Variants in LRRTM4 observed in about 807,000 individuals in gnomAD.
The protein encoded by LRRTM4 is leucine rich repeat transmembrane neuronal 4, also known as leucine-rich repeat transmembrane neuronal protein 4.
In LRRTM4, 25 loss-of-function variants were observed where a neutral mutation model predicts 47.6. The ratio of observed to expected loss-of-function variants is 0.53; its 90% confidence interval spans 0.38 to 0.73. LRRTM4 has a LOEUF of 0.73. Among genes scored for constraint, LRRTM4 ranks in the 30% least tolerant of loss-of-function variants. The pLI is 0.00. For missense variants in LRRTM4, 638 were observed against 713.4 expected (o/e 0.89, Z 1.20); for synonymous variants, 311 against 269.5 (o/e 1.15, Z -1.51).
At chr2:77,249,676 G>A (rs997913201) in intron 3 of LRRTM4, among the ~76,000 whole-genome samples, 3 of 152,164 alleles carry the variant, frequency 2.0e-5, no homozygotes, top group Non-Finnish European at 1.5e-5. Flanking sequence ...CCAAATGCTG[G>A]CAGGAATGTG....
At chr2:77,211,405 G>T (rs887848061) in intron 3 of LRRTM4, among the ~76,000 whole-genome samples, 2 of 152,144 alleles carry the variant, frequency 1.3e-5, no homozygotes, top group African/African-American at 4.8e-5. Context: ...TTACATTAGA[G>T]AAAACTAATA....
intron 3 of LRRTM4, among the ~76,000 whole-genome samples, chr2:77,207,243 G>A (rs1364141224): frequency 5.4e-5 from 7 of 129,900 alleles, no homozygotes; most frequent in African/African-American, 1.9e-4. Context: ...ATATATATAC[G>A]TATTTATACA....
At chr2:77,447,279 T>TTG (rs377674991) in intron 3 of LRRTM4, among the ~76,000 whole-genome samples, 20 of 147,474 alleles carry the variant, frequency 1.4e-4, no homozygotes, top group African/African-American at 4.0e-4. Context: ...CTATGTGTGT[T>TTG]TGTGTGTGTG....
intron 3 of LRRTM4, among the ~76,000 whole-genome samples, chr2:76,778,755 T>C (rs1441455936): frequency 6.6e-6 from 1 of 151,062 alleles, no homozygotes; most frequent in African/African-American, 2.4e-5. Flanking sequence ...TGTGTCTCTA[T>C]TTCCTTCAGT....
At chr2:77,511,786 C>A (rs1679018573) in intron 3 of LRRTM4, among the ~76,000 whole-genome samples, 1 of 151,974 alleles carries the variant, frequency 6.6e-6, no homozygotes, top group African/African-American at 2.4e-5. Context: ...GCTTTGCTGT[C>A]ATTTCATTCC....
rs7600783 is a variant in LRRTM4 at position 76,793,365 on chromosome 2, G to T, written c.1552-44449C>A. Among the ~76,000 whole-genome samples, 1,327 of 152,150 alleles carry T rather than the reference G, an allele frequency of 8.7e-3. 20 individuals are homozygous for T. Among genetic ancestry groups the T allele is most frequent in the African/African-American group, 0.03 (1,266 of 41,516 alleles). On this transcript the variant is annotated intron_variant, in intron 3 of 3. Coordinates refer to ENST00000409884, the MANE Select transcript of LRRTM4 (RefSeq NM_001134745.3). ...AGTAGATGGGACATAGATTTTCTTG[G>T]CCACAAATCCTAAAATATTCACTCT...
Position 77,049,489 on chromosome 2 carries a change from G to C in LRRTM4, c.1552-300573C>G, listed in dbSNP as rs187868609. Among the ~76,000 whole-genome samples, 333 of 151,704 alleles carry C rather than the reference G, an allele frequency of 2.2e-3. 2 individuals are homozygous for C. The highest frequency in any genetic ancestry group is 7.6e-3 in the African/African-American group (315 of 41,394). Reference sequence around the variant, plus strand: ...TGTCTTTTTAATAGCAGCCATTCTAGCTAGAGTGAGATGGTATCTCATTCT... The same window carrying C: ...TGTCTTTTTAATAGCAGCCATTCTACCTAGAGTGAGATGGTATCTCATTCT... On this transcript the variant is annotated intron_variant, in intron 3 of 3. Coordinates refer to ENST00000409884, the MANE Select transcript of LRRTM4 (RefSeq NM_001134745.3).
chr2:77,249,118 G>A (rs1675530192), intron 3 of LRRTM4, among the ~76,000 whole-genome samples: 4 of 152,014 alleles, frequency 2.6e-5, no homozygotes, highest in African/African-American at 9.7e-5. Flanking sequence ...GGGAGGCTGA[G>A]GCATGTGGAT....
chr2:77,028,381 A>G (rs1195960576), intron 3 of LRRTM4, among the ~76,000 whole-genome samples: 1 of 152,156 alleles, frequency 6.6e-6, no homozygotes, highest in Admixed American at 6.6e-5. Flanking sequence ...AAAAATGTTG[A>G]GTTGAGATGA....
chr2:77,118,993 C>T (rs947819301), intron 3 of LRRTM4, among the ~76,000 whole-genome samples: 1 of 151,804 alleles, frequency 6.6e-6, no homozygotes, highest in Admixed American at 6.6e-5. Context: ...GCAGAACACA[C>T]CTGGCATAGT....
intron 3 of LRRTM4, among the ~76,000 whole-genome samples, chr2:76,803,997 T>G (rs946697720): frequency 2.6e-5 from 4 of 152,220 alleles, no homozygotes; most frequent in African/African-American, 9.6e-5. Flanking sequence ...CACAACTCAT[T>G]GCTTGAGGAA....
At chr2:77,449,810 A>G (rs1167586756) in intron 3 of LRRTM4, among the ~76,000 whole-genome samples, 2 of 152,226 alleles carry the variant, frequency 1.3e-5, no homozygotes, top group East Asian at 1.9e-4. Flanking sequence ...GCCAAAAGGC[A>G]TAATTTTGGA....
intron 3 of LRRTM4, among the ~76,000 whole-genome samples, chr2:77,024,600 G>A (rs1678388480): frequency 6.6e-6 from 1 of 151,454 alleles, no homozygotes. Flanking sequence ...AAAACCACAA[G>A]TAAGCCTTAT....
intron 3 of LRRTM4, among the ~76,000 whole-genome samples, chr2:77,049,157 T>TATATATATATATATACACAC (rs1351971551): frequency 9.4e-6 from 1 of 106,352 alleles, no homozygotes; most frequent in African/African-American, 5.0e-5. Flanking sequence ...TATATATATA[T>TATATATATATATATACACAC]ACACACACAC....
rs534121936 is a variant in LRRTM4 at position 77,248,786 on chromosome 2, A to G, written c.1551+269532T>C. On this transcript the variant is annotated intron_variant, in intron 3 of 3. Transcript: ENST00000409884. ...TCTTTGACAAAGGAACAAAGACAAT[A>G]TAATGGAGAAGAACAATCTTTCCAA... Among the ~76,000 whole-genome samples the G allele has an allele frequency of 6.6e-5, 10 of 152,300 alleles. No homozygotes were observed. The South Asian group carries it at 2.1e-3, about 32-fold the overall frequency.
chr2:76,848,971 AG>A (rs1671913362), intron 3 of LRRTM4, among the ~76,000 whole-genome samples: 2 of 152,148 alleles, frequency 1.3e-5, no homozygotes, highest in African/African-American at 4.8e-5. Context: ...CACTGGTGAC[AG>A]GTCACACAGG....
intron 3 of LRRTM4, among the ~76,000 whole-genome samples, chr2:76,850,619 T>C (rs908013595): frequency 6.6e-6 from 1 of 152,166 alleles, no homozygotes; most frequent in Non-Finnish European, 1.5e-5. Flanking sequence ...ATCTGTTAGG[T>C]ACTTTGCACA....
chr2:76,902,606 G>A (rs1258826811), intron 3 of LRRTM4, among the ~76,000 whole-genome samples: 2 of 152,132 alleles, frequency 1.3e-5, no homozygotes, highest in African/African-American at 4.8e-5. Context: ...AAGACCAGAG[G>A]CTGTAATGGG....
At chr2:76,898,576 AG>A (rs1673504682) in intron 3 of LRRTM4, among the ~76,000 whole-genome samples, 9 of 147,962 alleles carry the variant, frequency 6.1e-5, no homozygotes, top group South Asian at 4.2e-4. Flanking sequence ...AAAAAAAAAA[AG>A]AGTTAGTACA....
Sources: gnomAD v4.1 joint callset for allele counts (sites outside exome capture counted in the v4.1 genomes callset) on GRCh38, gnomAD v4.1.1 for gene constraint, MANE v1.5 for transcripts, NCBI Gene and HGNC (gene_info 2026-07-23, HGNC 2026-07-21) for gene names.